The following CADPS2 variants were observed in gnomAD, a reference collection of about 807,000 sequenced individuals.
The protein encoded by CADPS2 is calcium-dependent secretion activator 2.
Under a neutral mutation model 172.5 loss-of-function variants are expected in CADPS2, and 93 were observed. That is an observed-to-expected ratio of 0.54 (90% CI 0.46 to 0.64). The LOEUF (loss-of-function observed/expected upper bound fraction) is 0.64, where lower values mean the gene tolerates loss of function less well. Among genes scored for constraint, CADPS2 ranks in the 30% least tolerant of loss-of-function variants. The pLI is 0.00. For synonymous variants in CADPS2, 546 were observed against 555.2 expected (o/e 0.98, Z 0.23); for missense variants, 1,420 against 1,565.9 (o/e 0.91, Z 1.57).
At position 122,663,728 on chromosome 7, in the gene CADPS2, G is replaced by A. The variant is rs181070130; in HGVS notation, c.454-159C>T. ...TGTTTTATAATACATGGTAACTAAT[G>A]TCATAATGTTGGCCCCAAATCTCTC... On this transcript the variant is annotated intron_variant, in intron 2 of 29. Coordinates refer to ENST00000449022, the MANE Select transcript of CADPS2 (RefSeq NM_017954.11). 2.2e-3 allele frequency among the ~76,000 whole-genome samples: 334 copies of A among 152,344 alleles called. 5 individuals are homozygous for A. The highest frequency in any genetic ancestry group is 0.02 in the Admixed American group (304 of 15,306).
intron 3 of CADPS2, among the ~76,000 whole-genome samples, chr7:122,645,284 T>C (rs918873377): frequency 7.9e-5 from 11 of 138,616 alleles, no homozygotes; most frequent in East Asian, 2.1e-4. Context: ...TATACACACA[T>C]ATGTACATAT....
chr7:122,466,133 C>A (rs575111805), intron 14 of CADPS2, among the ~76,000 whole-genome samples: 6 of 152,222 alleles, frequency 3.9e-5, no homozygotes, highest in Non-Finnish European at 7.4e-5. Flanking sequence ...CAAGGTGTAA[C>A]CCTTGTTTCT....
At chr7:122,695,815 T>G (rs1319366499) in intron 2 of CADPS2, among the ~76,000 whole-genome samples, 1 of 152,050 alleles carries the variant, frequency 6.6e-6, no homozygotes, top group Non-Finnish European at 1.5e-5. Flanking sequence ...GGTCTTAGAT[T>G]GACAATGATG....
chr7:122,832,194 C>T (rs972273058), intron 1 of CADPS2, among the ~76,000 whole-genome samples: 3 of 151,930 alleles, frequency 2.0e-5, no homozygotes, highest in Middle Eastern at 3.4e-3. Context: ...TCAAAACCAT[C>T]AGCAGGTTAC....
intron 6 of CADPS2, among the ~76,000 whole-genome samples, chr7:122,590,500 T>C (rs1468067233): frequency 6.6e-6 from 1 of 151,964 alleles, no homozygotes; most frequent in Non-Finnish European, 1.5e-5. Flanking sequence ...GGCTGCGCTA[T>C]AATTTAGTCA....
chr7:122,471,302 C>G, intron 14 of CADPS2, 73 bp downstream of exon 14: 1 of 905,708 alleles, frequency 1.1e-6, no homozygotes, highest in Non-Finnish European at 1.5e-6. Flanking sequence ...GGGTGATAAT[C>G]GCAAAGCACA....
intron 2 of CADPS2, among the ~76,000 whole-genome samples, chr7:122,732,505 C>A (rs1377712051): frequency 6.7e-6 from 1 of 149,676 alleles, no homozygotes; most frequent in African/African-American, 2.4e-5. Flanking sequence ...ACAAAGATAT[C>A]TTTTCAATTT....
At chr7:122,321,042 A>G (rs2218378) in intron 29 of CADPS2, among the ~76,000 whole-genome samples, 55,010 of 152,086 alleles carry the variant, frequency 0.36, 10,162 homozygotes, top group East Asian at 0.47. Context: ...TGTATCAAAA[A>G]TAGAGTACCA....
intron 3 of CADPS2, among the ~76,000 whole-genome samples, chr7:122,642,143 G>A (rs999076124): frequency 2.6e-5 from 4 of 151,992 alleles, no homozygotes; most frequent in African/African-American, 9.7e-5. Flanking sequence ...AGCCAGGCAT[G>A]GTGGTAGGCG....
intron 2 of CADPS2, among the ~76,000 whole-genome samples, chr7:122,680,807 C>T (rs533124338): frequency 6.6e-6 from 1 of 152,284 alleles, no homozygotes; most frequent in Admixed American, 6.5e-5. Flanking sequence ...ATAAATCATG[C>T]TTCTATAAAG....
At chr7:122,424,980 T>A (rs2048969810) in intron 17 of CADPS2, among the ~76,000 whole-genome samples, 1 of 152,166 alleles carries the variant, frequency 6.6e-6, no homozygotes, top group Admixed American at 6.5e-5. Flanking sequence ...ATAGCTTTTT[T>A]TAAAAAAATT....
chr7:122,690,970 C>A (rs1008586814), intron 2 of CADPS2, among the ~76,000 whole-genome samples: 3 of 152,040 alleles, frequency 2.0e-5, no homozygotes, highest in Non-Finnish European at 2.9e-5. Context: ...AGTGAAGGTG[C>A]AGATTCTAGG....
At chr7:122,364,932 CAGA>C (rs1412069311) in intron 25 of CADPS2, among the ~76,000 whole-genome samples, 2 of 151,984 alleles carry the variant, frequency 1.3e-5, no homozygotes, top group Non-Finnish European at 2.9e-5. Flanking sequence ...TAGCTGAAAC[CAGA>C]AGAAGGAAAT....
At chr7:122,406,750 G>A (rs541514916) in intron 20 of CADPS2, among the ~76,000 whole-genome samples, 1 of 152,322 alleles carries the variant, frequency 6.6e-6, no homozygotes, top group East Asian at 1.9e-4. Context: ...AGGTTAGGAG[G>A]AGGCAGAGTT....
chr7:122,527,617 A>AGAGAGAGAGAGAGAGTGTGTGT lies in CADPS2; in HGVS notation c.1476-14303_1476-14302insACACACACTCTCTCTCTCTCTC. The stretch of plus-strand genomic sequence containing the variant: ...GAGAGAGAGAGAGAGAGAGAGAGAG[A>AGAGAGAGAGAGAGAGTGTGTGT]GTGTGTGTGTGTGTGTGTGTGTGTG... On this transcript the variant is annotated intron_variant, in intron 8 of 29. Transcript: ENST00000449022. Among the ~76,000 whole-genome samples the AGAGAGAGAGAGAGAGTGTGTGT allele has an allele frequency of 4.0e-3, 339 of 83,798 alleles. 2 individuals are homozygous for AGAGAGAGAGAGAGAGTGTGTGT. Among genetic ancestry groups the AGAGAGAGAGAGAGAGTGTGTGT allele is most frequent in the Middle Eastern group, 7.5e-3 (1 of 134 alleles). 55.0% of individuals were successfully genotyped at this position (83,798 alleles called of 152,430 possible). A position where few individuals can be genotyped will look rare whatever the true frequency, so the allele number is the denominator to read the frequency against.
At chr7:122,352,718 T>G (rs934539253) in intron 27 of CADPS2, among the ~76,000 whole-genome samples, 1 of 152,152 alleles carries the variant, frequency 6.6e-6, no homozygotes, top group African/African-American at 2.4e-5. Context: ...TCAGGTGTGG[T>G]TATCTAAGTA....
chr7:122,500,586 G>T lies in CADPS2; in HGVS notation c.1543-9166C>A, dbSNP rs867727425. On this transcript the variant is annotated intron_variant, in intron 9 of 29. Coordinates refer to ENST00000449022, the MANE Select transcript of CADPS2 (RefSeq NM_017954.11). Reference sequence around the variant, plus strand: ...GCAAGTAGGCACCCCATTATGTTACGGACACAGATGTCAGAGCCATGGAGA... The same window carrying T: ...GCAAGTAGGCACCCCATTATGTTACTGACACAGATGTCAGAGCCATGGAGA... Among the ~76,000 whole-genome samples the T allele has an allele frequency of 2.6e-5, 4 of 152,148 alleles. No individual in the cohort carries two copies. The South Asian group carries it at 8.3e-4, about 32-fold the overall frequency.
intron 3 of CADPS2, among the ~76,000 whole-genome samples, chr7:122,646,432 C>G (rs2078564828): frequency 6.6e-6 from 1 of 151,922 alleles, no homozygotes; most frequent in Non-Finnish European, 1.5e-5. Context: ...TTTCTCTCCC[C>G]CAGTATAACA....
At chr7:122,517,729 T>G (rs573454951) in intron 8 of CADPS2, among the ~76,000 whole-genome samples, 90 of 152,136 alleles carry the variant, frequency 5.9e-4, no homozygotes, top group African/African-American at 2.1e-3. Context: ...GTTTTCTAGT[T>G]TCCAAGGTCA....
Sources: allele counts gnomAD v4.1 joint callset (sites outside exome capture counted in the v4.1 genomes callset), GRCh38; gene constraint gnomAD v4.1.1; transcripts MANE v1.5; gene names NCBI Gene and HGNC (gene_info 2026-07-23, HGNC 2026-07-21).